ACOXL: variants seen among roughly 807,000 people sequenced by gnomAD.
ACOXL encodes the protein acyl-coenzyme A oxidase-like protein.
Under a neutral mutation model 71.9 loss-of-function variants are expected in ACOXL, and 70 were observed. That is an observed-to-expected ratio of 0.97 (90% CI 0.80 to 1.19). ACOXL has a LOEUF of 1.19. Ranked by LOEUF, ACOXL falls within the 50% of genes most tolerant of loss-of-function variation. The pLI, the probability that ACOXL is intolerant of heterozygous loss-of-function variation, is 0.00. For synonymous variants in ACOXL, 253 were observed against 281.6 expected (o/e 0.90, Z 1.02); for missense variants, 703 against 736.3 (o/e 0.95, Z 0.52).
At chr2:110,756,873 GA>G (rs762274019) in intron 1 of ACOXL, among the ~76,000 whole-genome samples, 2 of 152,022 alleles carry the variant, frequency 1.3e-5, no homozygotes, top group Non-Finnish European at 2.9e-5. Flanking sequence ...AATTTTACGG[GA>G]GATTTGCCCC....
chr2:111,080,753 A>G (rs1279600176), intron 16 of ACOXL, among the ~76,000 whole-genome samples: 5 of 152,212 alleles, frequency 3.3e-5, no homozygotes, highest in African/African-American at 1.2e-4. Context: ...CCTGATGAAC[A>G]ATGATGTGAA....
At chr2:110,938,911 A>T (rs964941741) in intron 12 of ACOXL, among the ~76,000 whole-genome samples, 1 of 152,074 alleles carries the variant, frequency 6.6e-6, no homozygotes, top group African/African-American at 2.4e-5. Context: ...TTGCCTACAG[A>T]CTACTCATAA....
intron 9 of ACOXL, among the ~76,000 whole-genome samples, chr2:110,821,774 A>C (rs572140594): frequency 1.8e-4 from 28 of 152,278 alleles, no homozygotes; most frequent in Non-Finnish European, 3.7e-4. Context: ...CTCATTATTT[A>C]TCCAATTACT....
intron 10 of ACOXL, among the ~76,000 whole-genome samples, chr2:110,849,282 T>C (rs1242503699): frequency 6.6e-6 from 1 of 152,198 alleles, no homozygotes. Flanking sequence ...TGTCCACAGG[T>C]CTGGGAGGAA....
chr2:110,770,301 G>A (rs1291489178), intron 2 of ACOXL, among the ~76,000 whole-genome samples: 2 of 152,170 alleles, frequency 1.3e-5, no homozygotes, highest in African/African-American at 4.8e-5. Flanking sequence ...GTGGGGGCCT[G>A]GGATCCATGC....
At chr2:111,004,485 A>C (rs539084968) in intron 14 of ACOXL, among the ~76,000 whole-genome samples, 1 of 152,206 alleles carries the variant, frequency 6.6e-6, no homozygotes, top group Non-Finnish European at 1.5e-5. Flanking sequence ...GTGTAGCCAG[A>C]ATTTCACTTA....
At chr2:110,772,822 G>GA (rs1682135781) in intron 2 of ACOXL, among the ~76,000 whole-genome samples, 4 of 152,150 alleles carry the variant, frequency 2.6e-5, no homozygotes, top group African/African-American at 7.2e-5. Context: ...GTGAGACACT[G>GA]GATATTCATC....
chr2:110,736,146 GA>G (rs1292423140), intron 1 of ACOXL, among the ~76,000 whole-genome samples: 1 of 152,128 alleles, frequency 6.6e-6, no homozygotes, highest in Non-Finnish European at 1.5e-5. Flanking sequence ...TTCTCACTAG[GA>G]AGAGTCAAAT....
intron 10 of ACOXL, among the ~76,000 whole-genome samples, chr2:110,901,800 T>A (rs2059246004): frequency 6.6e-6 from 1 of 151,770 alleles, no homozygotes; most frequent in African/African-American, 2.4e-5. Context: ...CCGAGGTGGG[T>A]GGATCACTTG....
chr2:111,081,373 A>G (rs1194279557), intron 16 of ACOXL, among the ~76,000 whole-genome samples: 1 of 152,214 alleles, frequency 6.6e-6, no homozygotes, highest in East Asian at 1.9e-4. Context: ...CCTATACACC[A>G]ATAACATACA....
chr2:111,082,482 C>T (rs991114587), intron 16 of ACOXL, among the ~76,000 whole-genome samples: 1 of 152,196 alleles, frequency 6.6e-6, no homozygotes, highest in Non-Finnish European at 1.5e-5. Context: ...GATACCATCT[C>T]ATGCCAGTTA....
chr2:110,902,822 G>C (rs2149209997), intron 10 of ACOXL, among the ~76,000 whole-genome samples: 1 of 152,336 alleles, frequency 6.6e-6, no homozygotes, highest in South Asian at 2.1e-4. Flanking sequence ...CTCTGTGAGA[G>C]GTTGGAGGGT....
intron 1 of ACOXL, among the ~76,000 whole-genome samples, chr2:110,748,474 A>C (rs1460209434): frequency 6.6e-6 from 1 of 152,098 alleles, no homozygotes; most frequent in East Asian, 1.9e-4. Context: ...AGACTTTGCC[A>C]ATTAGCAGCT....
chr2:111,058,317 T>G lies in ACOXL; in HGVS notation c.1440+9029T>G, dbSNP rs77140624. Among the ~76,000 whole-genome samples, 295 of 152,262 alleles carry G rather than the reference T, an allele frequency of 1.9e-3. 5 individuals carry two copies. The East Asian group carries it at 0.046, about 24-fold the overall frequency. On this transcript the variant is annotated intron_variant, in intron 16 of 17. Coordinates refer to ENST00000439055, the MANE Select transcript of ACOXL (RefSeq NM_001142807.4). ...CACGGAGAAATTCCATCAGGGAGCT[T>G]CTGAGATATGGATCCAGACTAGCAG... is the stretch of plus-strand genomic sequence containing the variant.
chr2:110,863,030 A>C (rs994943950), intron 10 of ACOXL, among the ~76,000 whole-genome samples: 1 of 152,186 alleles, frequency 6.6e-6, no homozygotes, highest in African/African-American at 2.4e-5. Context: ...TGAGTTTGCA[A>C]ATTTCTGATT....
At chr2:110,822,536 C>T (rs1241995410) in intron 9 of ACOXL, among the ~76,000 whole-genome samples, 1 of 152,180 alleles carries the variant, frequency 6.6e-6, no homozygotes, top group East Asian at 1.9e-4. Context: ...ACATTCGGCT[C>T]CAGAGTTACT....
chr2:111,083,051 G>A (rs2068009974), intron 16 of ACOXL, among the ~76,000 whole-genome samples: 2 of 152,042 alleles, frequency 1.3e-5, no homozygotes, highest in South Asian at 4.1e-4. Flanking sequence ...GGGGTTAGGG[G>A]AGGGATAGCA....
In ACOXL at chr2:110,987,095, A is replaced by G; in HGVS notation, c.1060-13A>G. 8.3e-6 allele frequency: 13 copies of G among 1,557,430 alleles called. No homozygotes were observed. The highest frequency in any genetic ancestry group is 1.1e-5 in the Non-Finnish European group (13 of 1,148,334). Reference sequence around the variant, plus strand: ...CACTGCTGAGACTGATGAGCGATAAACTCTTTGCACAGGTTGTGGGGCGGG... The same window carrying G: ...CACTGCTGAGACTGATGAGCGATAAGCTCTTTGCACAGGTTGTGGGGCGGG... On this transcript the variant is annotated splice_polypyrimidine_tract_variant and intron_variant, in intron 12 of 17. Coordinates refer to ENST00000439055, the MANE Select transcript of ACOXL (RefSeq NM_001142807.4).
Position 111,117,897 on chromosome 2 carries a change from C to G in ACOXL, c.*81C>G. On this transcript the variant is annotated 3_prime_UTR_variant, in exon 18 of 18. Transcript: ENST00000439055. ...CCGACGCCCAGAGCTGTGGCCGAGG[C>G]CGGGGGCTGGCACCCGCTGGGCCGC... 6.9e-7 allele frequency: 1 copy of G among 1,441,544 alleles called. No individual in the cohort carries two copies. The highest frequency in any genetic ancestry group is 9.2e-7 in the Non-Finnish European group (1 of 1,086,708). The allele number at this position is 1,441,544 out of a possible 1,614,324, so 89.3% of individuals were successfully genotyped here. A position where few individuals can be genotyped will look rare whatever the true frequency, so the allele number is the denominator to read the frequency against.
Sources: gnomAD v4.1 joint callset for allele counts (sites outside exome capture counted in the v4.1 genomes callset) on GRCh38, gnomAD v4.1.1 for gene constraint, MANE v1.5 for transcripts, NCBI Gene and HGNC (gene_info 2026-07-23, HGNC 2026-07-21) for gene names.